WBP1L: variants seen among roughly 807,000 people sequenced by gnomAD.
WBP1L encodes WW domain binding protein 1-like.
WBP1L carries 17 observed loss-of-function variants against 33.7 expected under a neutral mutation model. That is an observed-to-expected ratio of 0.50 (90% CI 0.34 to 0.76). WBP1L has a LOEUF of 0.76. WBP1L is among the 30% of genes least tolerant of loss of function. WBP1L has a pLI of 0.01. For missense variants in WBP1L, 389 were observed against 469.4 expected, an observed-to-expected ratio of 0.83 and a Z score of 1.58; for synonymous variants, 173 against 190.8, an observed-to-expected ratio of 0.91 and a Z score of 0.77.
At chr10:102,786,610 G>A (rs1004489321) in intron 1 of WBP1L, among the ~76,000 whole-genome samples, 22 of 152,126 alleles carry the variant, frequency 1.4e-4, no homozygotes, top group African/African-American at 5.3e-4. Flanking sequence ...GTTATGTGGG[G>A]GCAAATTCAC....
intron 1 of WBP1L, among the ~76,000 whole-genome samples, chr10:102,773,045 G>A (rs1452857421): frequency 2.0e-5 from 3 of 151,872 alleles, no homozygotes; most frequent in Non-Finnish European, 4.4e-5. Flanking sequence ...CATGTATGAG[G>A]CTGGATCACG....
intron 1 of WBP1L, among the ~76,000 whole-genome samples, chr10:102,797,446 T>C (rs1843588244): frequency 6.6e-6 from 1 of 152,256 alleles, no homozygotes; most frequent in Admixed American, 6.5e-5. Context: ...CTCTGCCAAT[T>C]GCTTTTGTGT....
intron 1 of WBP1L, among the ~76,000 whole-genome samples, chr10:102,764,534 G>A (rs553592466): frequency 1.3e-3 from 198 of 152,190 alleles, no homozygotes; most frequent in Non-Finnish European, 2.2e-3. Context: ...GGCTGTGGGC[G>A]GCCATTATAT....
chr10:102,788,398 C>T (rs1843451255), intron 1 of WBP1L, among the ~76,000 whole-genome samples: 1 of 151,994 alleles, frequency 6.6e-6, no homozygotes, highest in Non-Finnish European at 1.5e-5. Flanking sequence ...GCATGAGCCA[C>T]CACACCTGGC....
At chr10:102,772,890 C>T (rs1843210429) in intron 1 of WBP1L, among the ~76,000 whole-genome samples, 1 of 150,876 alleles carries the variant, frequency 6.6e-6, no homozygotes, top group African/African-American at 2.4e-5. Context: ...ATTTTGACAA[C>T]ATAATCCTGC....
chr10:102,766,745 T>C (rs535614629), intron 1 of WBP1L, among the ~76,000 whole-genome samples: 1 of 152,022 alleles, frequency 6.6e-6, no homozygotes, highest in Non-Finnish European at 1.5e-5. Flanking sequence ...AGCAGGAGAA[T>C]TGCTTGAACT....
At chr10:102,780,724 G>A (rs113792662) in intron 1 of WBP1L, among the ~76,000 whole-genome samples, 1 of 152,164 alleles carries the variant, frequency 6.6e-6, no homozygotes, top group African/African-American at 2.4e-5. Context: ...ATAGAATGCC[G>A]CAGTTCAGAG....
rs530104099 is a variant in WBP1L at position 102,760,960 on chromosome 10, C to T, written c.90+16817C>T. Among the ~76,000 whole-genome samples the T allele has an allele frequency of 7.2e-5, 11 of 152,076 alleles. 1 individual carries two copies. Among genetic ancestry groups the T allele is most frequent in the Admixed American group, 2.0e-4 (3 of 15,264 alleles). Reference sequence around the variant, plus strand: ...GGAGTGCAGTGGCACAATCTCGGCTCATTGCAACCTCTGCCTCCCGAGTTC... The same window carrying T: ...GGAGTGCAGTGGCACAATCTCGGCTTATTGCAACCTCTGCCTCCCGAGTTC... On this transcript the variant is annotated intron_variant, in intron 1 of 3. Coordinates refer to ENST00000448841, the MANE Select transcript of WBP1L (RefSeq NM_001083913.2).
intron 1 of WBP1L, among the ~76,000 whole-genome samples, chr10:102,789,029 G>A (rs1274586119): frequency 6.6e-6 from 1 of 152,052 alleles, no homozygotes; most frequent in African/African-American, 2.4e-5. Context: ...GCACAATCTC[G>A]GTTTGCTGCA....
chr10:102,769,149 C>A (rs1158276549), intron 1 of WBP1L, among the ~76,000 whole-genome samples: 3 of 152,164 alleles, frequency 2.0e-5, no homozygotes, highest in Non-Finnish European at 2.9e-5. Context: ...CCATGCCTGG[C>A]TAATTTCTTA....
rs1247082028 is a variant in WBP1L, at chr10:102,810,023, C to G, written c.324C>G (p.Ala108=). The G allele has an allele frequency of 1.2e-6, 2 of 1,613,500 alleles. No homozygotes were observed. Among genetic ancestry groups the G allele is most frequent in the African/African-American group, 2.7e-5 (2 of 74,910 alleles). The change falls in exon 3 of 4, where the codon GCC becomes GCG. Residue 108 remains alanine, a synonymous_variant. Transcript: ENST00000448841. Reference sequence around the variant, plus strand: ...TCAACCTGATCGCTTACCGAGAAGCCCACAATTACTCAGCGCTGCCATTTT... The same window carrying G: ...TCAACCTGATCGCTTACCGAGAAGCGCACAATTACTCAGCGCTGCCATTTT... ...HEINLIAYRE[A]HNYSALPFYF...
rs1400112600 is a variant in WBP1L at position 102,813,555 on chromosome 10, G to C, written c.*224G>C. ...GCACAGTGTTGTGGAGGGCTAAGTT[G>C]GTTCTGTGACTCATTCCTCATACCC... On this transcript the variant is annotated 3_prime_UTR_variant, in exon 4 of 4. Transcript: ENST00000448841. 1.7e-6 allele frequency: 1 copy of C among 604,012 alleles called. No homozygotes were observed. Among genetic ancestry groups the C allele is most frequent in the Non-Finnish European group, 2.8e-6 (1 of 353,182 alleles). 37.4% of individuals were successfully genotyped at this position (604,012 alleles called of 1,614,324 possible).
intron 1 of WBP1L, among the ~76,000 whole-genome samples, chr10:102,754,015 C>G (rs1473021306): frequency 1.3e-5 from 2 of 152,186 alleles, no homozygotes; most frequent in African/African-American, 4.8e-5. Flanking sequence ...TTATTTTCCT[C>G]ATTTAAAATT....
chr10:102,776,873 T>G (rs1330670764), intron 1 of WBP1L, among the ~76,000 whole-genome samples: 1 of 152,142 alleles, frequency 6.6e-6, no homozygotes, highest in African/African-American at 2.4e-5. Flanking sequence ...GTTCTTCTTT[T>G]AAAGGAAAGG....
At chr10:102,753,726 A>G (rs945394262) in intron 1 of WBP1L, among the ~76,000 whole-genome samples, 39 of 152,220 alleles carry the variant, frequency 2.6e-4, no homozygotes, top group Admixed American at 2.3e-3. Context: ...TTTTGATTCA[A>G]GATCTCAGGT....
At chr10:102,748,885 G>T (rs1842895602) in intron 1 of WBP1L, among the ~76,000 whole-genome samples, 1 of 152,254 alleles carries the variant, frequency 6.6e-6, no homozygotes, top group Admixed American at 6.5e-5. Context: ...TTTAAAGGTT[G>T]ATAAGCATGG....
chr10:102,788,462 G>A (rs1843451912), intron 1 of WBP1L, among the ~76,000 whole-genome samples: 1 of 152,048 alleles, frequency 6.6e-6, no homozygotes, highest in Admixed American at 6.6e-5. Flanking sequence ...GTGAATACAT[G>A]AAGCTTTGCC....
rs1181431304 is a variant in WBP1L at position 102,802,047 on chromosome 10, C to T, written c.193+3952C>T. Among the ~76,000 whole-genome samples, 160 of 69,100 alleles carry T rather than the reference C, an allele frequency of 2.3e-3. 3 individuals are homozygous for T. The highest frequency in any genetic ancestry group is 9.1e-3 in the African/African-American group (146 of 15,976). The allele number at this position is 69,100 out of a possible 152,430, so 45.3% of individuals were successfully genotyped here. On this transcript the variant is annotated intron_variant, in intron 2 of 3. Transcript: ENST00000448841. Reference sequence around the variant, plus strand: ...CTTCCCCCCACCCTCCCCTCCCCTTCCTCCACCCTCCCCTACCCTTCCCCC... The same window carrying T: ...CTTCCCCCCACCCTCCCCTCCCCTTTCTCCACCCTCCCCTACCCTTCCCCC...
At chr10:102,764,289 C>T (rs1235943428) in intron 1 of WBP1L, among the ~76,000 whole-genome samples, 1 of 152,188 alleles carries the variant, frequency 6.6e-6, no homozygotes, top group Non-Finnish European at 1.5e-5. Flanking sequence ...ATAAGAACAA[C>T]AACATTAGCT....
Sources: allele counts gnomAD v4.1 joint callset (sites outside exome capture counted in the v4.1 genomes callset), GRCh38; gene constraint gnomAD v4.1.1; transcripts MANE v1.5; gene names NCBI Gene and HGNC (gene_info 2026-07-23, HGNC 2026-07-21).